Variants in NPAS3 observed in about 807,000 individuals in gnomAD.
The protein encoded by NPAS3 is neuronal PAS domain protein 3.
NPAS3 carries 14 observed loss-of-function variants against 73.1 expected under a neutral mutation model. The observed-to-expected ratio is 0.19, with a 90% confidence interval of 0.13 to 0.30. The LOEUF is 0.30. NPAS3 is among the 10% of genes least tolerant of loss of function. The pLI is 1.00. For synonymous variants in NPAS3, 620 were observed against 541.5 expected, an observed-to-expected ratio of 1.14 and a Z score of -2.01; for missense variants, 1,096 against 1,250.0, an observed-to-expected ratio of 0.88 and a Z score of 1.86.
At chr14:33,367,051 T>C in intron 3 of NPAS3, 135 bp from the exon 4 acceptor site, 1 of 455,004 alleles carries the variant, frequency 2.2e-6, no homozygotes, top group South Asian at 5.5e-5. Flanking sequence ...GAACTAAAAT[T>C]AATACTGGGT....
chr14:33,354,509 C>G (rs1054596676), intron 3 of NPAS3, among the ~76,000 whole-genome samples: 6 of 152,194 alleles, frequency 3.9e-5, no homozygotes, highest in Admixed American at 1.3e-4. Context: ...CCTCAGCCCA[C>G]CTCCCATTTT....
At chr14:33,666,786 A>G (rs557315880) in intron 5 of NPAS3, among the ~76,000 whole-genome samples, 2 of 152,366 alleles carry the variant, frequency 1.3e-5, no homozygotes, top group East Asian at 3.9e-4. Flanking sequence ...GTTACAGGGA[A>G]TAAATGATAG....
At chr14:33,444,125 A>G (rs2049376122) in intron 4 of NPAS3, among the ~76,000 whole-genome samples, 1 of 152,176 alleles carries the variant, frequency 6.6e-6, no homozygotes, top group African/African-American at 2.4e-5. Context: ...TAGAATCCCT[A>G]GTCATGGAAT....
chr14:33,193,276 G>A (rs2139521212), intron 2 of NPAS3, among the ~76,000 whole-genome samples: 1 of 151,428 alleles, frequency 6.6e-6, no homozygotes, highest in Non-Finnish European at 1.5e-5. Flanking sequence ...TATATGCCCA[G>A]GCTATTGAGT....
intron 5 of NPAS3, among the ~76,000 whole-genome samples, chr14:33,592,090 A>G (rs1288478255): frequency 1.3e-5 from 2 of 152,194 alleles, no homozygotes; most frequent in Non-Finnish European, 2.9e-5. Flanking sequence ...CAGTTAAATG[A>G]CATTAACACA....
intron 5 of NPAS3, among the ~76,000 whole-genome samples, chr14:33,629,563 T>C (rs2140130296): frequency 6.6e-6 from 1 of 150,572 alleles, no homozygotes; most frequent in African/African-American, 2.5e-5. Context: ...ATGGTTTTTT[T>C]TGTTGTTTTT....
intron 3 of NPAS3, among the ~76,000 whole-genome samples, chr14:33,331,079 G>A (rs1337745032): frequency 1.3e-5 from 2 of 152,124 alleles, no homozygotes; most frequent in Non-Finnish European, 1.5e-5. Flanking sequence ...GCAGTGAGCT[G>A]CGATTTATAA....
At chr14:33,634,513 C>T (rs1015407860) in intron 5 of NPAS3, among the ~76,000 whole-genome samples, 14 of 152,030 alleles carry the variant, frequency 9.2e-5, no homozygotes, top group Non-Finnish European at 1.5e-4. Context: ...CCATAGTCCA[C>T]GTATAAAAAA....
chr14:33,582,191 T>C (rs771098693), intron 5 of NPAS3: 9 of 152,208 alleles, frequency 5.9e-5, no homozygotes, highest in Non-Finnish European at 7.3e-5. Flanking sequence ...TCTCATAGCA[T>C]GGTATTAGAT....
At chr14:33,483,194 C>A (rs17101337) in intron 4 of NPAS3, among the ~76,000 whole-genome samples, 20,806 of 152,062 alleles carry the variant, frequency 0.14, 1,616 homozygotes, top group African/African-American at 0.21. Context: ...GAAACTTCAG[C>A]GTAACTTAGA....
At chr14:33,604,936 C>G (rs2057510259) in intron 5 of NPAS3, among the ~76,000 whole-genome samples, 1 of 151,932 alleles carries the variant, frequency 6.6e-6, no homozygotes, top group African/African-American at 2.4e-5. Context: ...TCAGAATTTG[C>G]AGCATATCAC....
At chr14:33,525,953 C>G (rs930294400) in intron 4 of NPAS3, among the ~76,000 whole-genome samples, 1 of 151,372 alleles carries the variant, frequency 6.6e-6, no homozygotes, top group Admixed American at 6.6e-5. Flanking sequence ...TGAGAAGAGA[C>G]AGATAAAACA....
chr14:33,475,857 G>T (rs571435918), intron 4 of NPAS3, among the ~76,000 whole-genome samples: 1 of 152,262 alleles, frequency 6.6e-6, no homozygotes, highest in East Asian at 1.9e-4. Flanking sequence ...ACCAGAGGGG[G>T]CATGGACCAG....
intron 4 of NPAS3, among the ~76,000 whole-genome samples, chr14:33,543,975 ATATATATATATATATATATATATATATC>A (rs1377127917): frequency 6.3e-4 from 22 of 34,712 alleles, no homozygotes; most frequent in South Asian, 3.9e-3. Flanking sequence ...ATATATATAT[ATATATATATATATATATATATATATATC>A]TATATCAGGA....
intron 6 of NPAS3, among the ~76,000 whole-genome samples, chr14:33,711,238 A>G (rs1487534449): frequency 6.6e-6 from 1 of 152,260 alleles, no homozygotes; most frequent in African/African-American, 2.4e-5. Context: ...ACAGAATGTC[A>G]GGTGACAGGG....
chr14:33,079,837 C>A (rs1045932101), intron 2 of NPAS3, among the ~76,000 whole-genome samples: 2 of 151,648 alleles, frequency 1.3e-5, no homozygotes, highest in African/African-American at 4.9e-5. Flanking sequence ...GTCTCAAATT[C>A]CTGACCTCCA....
intron 6 of NPAS3, among the ~76,000 whole-genome samples, chr14:33,714,528 C>T (rs2060908174): frequency 1.3e-5 from 2 of 152,092 alleles, no homozygotes; most frequent in Admixed American, 6.6e-5. Flanking sequence ...AAGATGGATA[C>T]TTGGGAGGAG....
intron 6 of NPAS3, among the ~76,000 whole-genome samples, chr14:33,718,679 T>A (rs1566462587): frequency 6.6e-6 from 1 of 152,208 alleles, no homozygotes; most frequent in Non-Finnish European, 1.5e-5. Flanking sequence ...AACAAATGTT[T>A]CCTGGTCAAA....
At chr14:33,212,645 T>G (rs2047081142) in intron 2 of NPAS3, among the ~76,000 whole-genome samples, 1 of 152,208 alleles carries the variant, frequency 6.6e-6, no homozygotes, top group African/African-American at 2.4e-5. Flanking sequence ...TTGATCCCTG[T>G]GATCTTGGGC....
Sources: gnomAD v4.1 joint callset for allele counts (sites outside exome capture counted in the v4.1 genomes callset) on GRCh38, gnomAD v4.1.1 for gene constraint, MANE v1.5 for transcripts, NCBI Gene and HGNC (gene_info 2026-07-23, HGNC 2026-07-21) for gene names.